The following SATB2 variants were observed in gnomAD, a reference collection of about 807,000 sequenced individuals.
The protein encoded by SATB2 is DNA-binding protein SATB2.
In SATB2, 1 loss-of-function variant was observed where a neutral mutation model predicts 73.4. The ratio of observed to expected loss-of-function variants is 0.01; its 90% confidence interval spans 0.00 to 0.06. The LOEUF is 0.06. Ranked by LOEUF, SATB2 falls within the 10% of genes least tolerant of loss-of-function variation. SATB2 has a pLI of 1.00. For synonymous variants in SATB2, 397 were observed against 367.0 expected (o/e 1.08, Z -0.93); for missense variants, 459 against 945.8 (o/e 0.49, Z 6.75).
chr2:199,339,555 T>C (rs1442414879), intron 7 of SATB2, among the ~76,000 whole-genome samples: 1 of 152,148 alleles, frequency 6.6e-6, no homozygotes, highest in Non-Finnish European at 1.5e-5. Flanking sequence ...TGGACTTCCT[T>C]TTTTCACAGG....
chr2:199,328,938 C>T (rs1295040348), intron 7 of SATB2, 28 bp from the exon 8 acceptor site: 1 of 1,566,172 alleles, frequency 6.4e-7, no homozygotes, highest in Non-Finnish European at 8.8e-7. Context: ...AAAAACAGAC[C>T]AAGTCACATT....
rs1394335364 is a variant in SATB2 at position 199,272,570 on chromosome 2, G to A, written c.1843C>T (p.Pro615Ser). 7 of 1,614,024 alleles carry A rather than the reference G, an allele frequency of 4.3e-6. No homozygotes were observed. The African/African-American group carries it at 8.0e-5, about 18-fold the overall frequency. Residue 615 changes from proline to serine, a missense_variant, in exon 11 of 11, where the codon CCC (proline) becomes TCC (serine). Physicochemically the swap from Pro to Ser is moderately conservative, Grantham distance 74 (BLOSUM62 -1). Around this residue, in one of 13 missense-constraint regions of SATB2, gnomAD observed 74 missense variants for 136.1 expected, o/e 0.54. Coordinates refer to ENST00000417098, the MANE Select transcript of SATB2 (RefSeq NM_001172509.2). The surrounding 1 kb of genome is among the most constrained non-coding windows in gnomAD (Gnocchi z 6.7). ...AAGGAGATCTTTGTGCGAGACCGGG[G>A]CTTTTTGGCACAACTGTCTTCAGTC... The part of the protein sequence containing the change: ...PPTEDSCAKK[P>S]RSRTKISLEA...
intron 9 of SATB2, among the ~76,000 whole-genome samples, chr2:199,312,826 G>A (rs901850606): frequency 1.3e-5 from 2 of 152,148 alleles, no homozygotes; most frequent in African/African-American, 4.8e-5. Context: ...GTCTGAGGTA[G>A]TCTTGCCCAA....
intron 3 of SATB2, among the ~76,000 whole-genome samples, chr2:199,407,449 G>A (rs1362143749): frequency 6.6e-6 from 1 of 152,100 alleles, no homozygotes; most frequent in Admixed American, 6.6e-5. Flanking sequence ...AAATGAAGCA[G>A]AGAAACAAGT....
At chr2:199,334,003 T>C (rs1378673695) in intron 7 of SATB2, among the ~76,000 whole-genome samples, 7 of 152,098 alleles carry the variant, frequency 4.6e-5, no homozygotes. Context: ...AAATGAGAGG[T>C]AGAACTGGTA....
intron 2 of SATB2, among the ~76,000 whole-genome samples, chr2:199,450,582 G>C (rs1018678441): frequency 6.6e-6 from 1 of 151,914 alleles, no homozygotes; most frequent in East Asian, 1.9e-4. Flanking sequence ...ACATTTTAAT[G>C]GTGAGAAATT....
chr2:199,390,098 T>C lies in SATB2; in HGVS notation c.347-8278A>G, dbSNP rs538558609. On this transcript the variant is annotated intron_variant, in intron 3 of 10. Transcript: ENST00000417098. ...AATAAAGACCTTATTGAAAAAAAAA[T>C]GGAGAGGGAGAGAACAAAATTATTC... is the stretch of plus-strand genomic sequence containing the variant. Among the ~76,000 whole-genome samples the C allele has an allele frequency of 1.1e-4, 16 of 151,392 alleles. No homozygotes were observed. In the South Asian group the frequency reaches 3.3e-3, roughly 32 times the overall value.
At chr2:199,422,069 T>C (rs775971332) in intron 3 of SATB2, among the ~76,000 whole-genome samples, 29 of 152,108 alleles carry the variant, frequency 1.9e-4, no homozygotes, top group Non-Finnish European at 3.7e-4. Flanking sequence ...GATTTGAAAA[T>C]CCAAAGCTTC....
At position 199,419,996 on chromosome 2, in the gene SATB2, C is replaced by T. The variant is rs1574611828; in HGVS notation, c.346+13342G>A. Reference sequence around the variant, plus strand: ...GTCAGGACTTACAGGGACTTTTATTCGTATTCTTAATGATAACCCACTATT... The same window carrying T: ...GTCAGGACTTACAGGGACTTTTATTTGTATTCTTAATGATAACCCACTATT... On this transcript the variant is annotated intron_variant, in intron 3 of 10. Coordinates refer to ENST00000417098, the MANE Select transcript of SATB2 (RefSeq NM_001172509.2). Among the ~76,000 whole-genome samples, 4 of 152,130 alleles carry T rather than the reference C, an allele frequency of 2.6e-5. No individual in the cohort carries two copies. The South Asian group carries it at 6.2e-4, about 24-fold the overall frequency.
chr2:199,343,328 T>A (rs559919714), intron 7 of SATB2, among the ~76,000 whole-genome samples: 4 of 152,312 alleles, frequency 2.6e-5, no homozygotes, highest in Admixed American at 2.6e-4. Context: ...ATAATAGAGA[T>A]CATGAACTAT....
At chr2:199,379,305 T>C (rs551882677) in intron 5 of SATB2, among the ~76,000 whole-genome samples, 3 of 152,300 alleles carry the variant, frequency 2.0e-5, no homozygotes, top group African/African-American at 7.2e-5. Context: ...AAACAGAGTA[T>C]CACTTTTCCT....
chr2:199,323,934 C>T lies in SATB2; in HGVS notation c.1411G>A (p.Asp471Asn). 1.2e-6 allele frequency: 2 copies of T among 1,613,412 alleles called. No individual in the cohort carries two copies. The highest frequency in any genetic ancestry group is 1.7e-6 in the Non-Finnish European group (2 of 1,179,534). The change falls in exon 9 of 11, where the codon GAC becomes AAC. Residue 471 changes from aspartate to asparagine, a missense_variant. Around this residue, in one of 13 missense-constraint regions of SATB2, gnomAD observed 53 missense variants for 70.5 expected, o/e 0.75. Transcript: ENST00000417098. Reference sequence around the variant, plus strand: ...GCGCCGTCCACCTTAATAGGGAGGTCTGTTGTCGGTGTCGAGGTTTTGGCC... The same window carrying T: ...GCGCCGTCCACCTTAATAGGGAGGTTTGTTGTCGGTGTCGAGGTTTTGGCC... ...PQAKTSTPTTDLPIKVDGANI... is the reference protein window; with the variant it reads ...PQAKTSTPTTNLPIKVDGANI...
chr2:199,435,102 C>T (rs1490201248), intron 2 of SATB2, among the ~76,000 whole-genome samples: 1 of 151,968 alleles, frequency 6.6e-6, no homozygotes, highest in African/African-American at 2.4e-5. Flanking sequence ...CTCCTGAGAA[C>T]AAGAAAGCAG....
chr2:199,291,128 T>C (rs1352187506), intron 10 of SATB2, among the ~76,000 whole-genome samples: 9 of 152,146 alleles, frequency 5.9e-5, no homozygotes, highest in South Asian at 2.1e-4. Context: ...ATGATTTTCT[T>C]TGGAACAGAA....
At chr2:199,359,144 A>G (rs1353746849) in intron 6 of SATB2, among the ~76,000 whole-genome samples, 1 of 152,180 alleles carries the variant, frequency 6.6e-6, no homozygotes, top group East Asian at 1.9e-4. Context: ...ATGTGTATTA[A>G]TTCTTTAATT....
chr2:199,352,329 T>C (rs1438044300), intron 6 of SATB2, among the ~76,000 whole-genome samples: 4 of 152,232 alleles, frequency 2.6e-5, no homozygotes, highest in African/African-American at 7.2e-5. Flanking sequence ...ATCTAAATCA[T>C]ATAATTTAAA....
In SATB2 at chr2:199,308,992, A is replaced by G. The variant is rs1410950558; in HGVS notation, c.1543-35T>C. ...GAGGAGGTCGCTTGCATTAACCTGC[A>G]GAGTGTAGAGGAGCTGAGGGGGCCT... On this transcript the variant is annotated intron_variant, in intron 9 of 10. Coordinates refer to ENST00000417098, the MANE Select transcript of SATB2 (RefSeq NM_001172509.2). This position sits in a 1 kb window ranked among gnomAD's most constrained non-coding sequence, Gnocchi z 4.6. 1.9e-6 allele frequency: 3 copies of G among 1,570,688 alleles called. No homozygotes were observed. Among genetic ancestry groups the G allele is most frequent in the South Asian group, 1.1e-5 (1 of 89,730 alleles).
chr2:199,285,023 C>G (rs1692644268), intron 10 of SATB2, among the ~76,000 whole-genome samples: 1 of 152,110 alleles, frequency 6.6e-6, no homozygotes. Flanking sequence ...GCAAGAAGTT[C>G]TGGAATCAAT....
chr2:199,355,348 C>A lies in SATB2; in HGVS notation c.701-6175G>T, dbSNP rs2345727. On this transcript the variant is annotated intron_variant, in intron 6 of 10. Coordinates refer to ENST00000417098, the MANE Select transcript of SATB2 (RefSeq NM_001172509.2). ...TATGTGTGTGTGTGTGTGTGTGTAT[C>A]TATATATATATATATATATATATAT... is the stretch of plus-strand genomic sequence containing the variant. 8.0e-3 allele frequency among the ~76,000 whole-genome samples: 1,070 copies of A among 133,640 alleles called. 63 individuals are homozygous for A. The highest frequency in any genetic ancestry group is 0.029 in the African/African-American group (949 of 32,798). 87.7% of individuals were successfully genotyped at this position (133,640 alleles called of 152,430 possible). A position where few individuals can be genotyped will look rare whatever the true frequency, so the allele number is the denominator to read the frequency against.
Sources: gnomAD v4.1 joint callset for allele counts (sites outside exome capture counted in the v4.1 genomes callset) on GRCh38, gnomAD v4.1.1 for gene constraint, gnomAD v4.1.1 regional missense constraint, Gnocchi (gnomAD v3.1) non-coding constraint, MANE v1.5 for transcripts, NCBI Gene and HGNC (gene_info 2026-07-23, HGNC 2026-07-21) for gene names.